The following ASTN2 variants were observed in gnomAD, a reference collection of about 807,000 sequenced individuals.
ASTN2 encodes the protein astrotactin 2.
A neutral mutation model predicts 139.8 loss-of-function variants in ASTN2; 54 were observed. The observed-to-expected ratio is 0.39, with a 90% CI of 0.31 to 0.48. ASTN2 has a LOEUF of 0.48. Ranked by LOEUF, ASTN2 falls within the 20% of genes least tolerant of loss-of-function variation. ASTN2 has a pLI of 0.95. For synonymous variants in ASTN2, 756 were observed against 719.5 expected, an observed-to-expected ratio of 1.05 and a Z score of -0.81; for missense variants, 1,565 against 1,725.1, an observed-to-expected ratio of 0.91 and a Z score of 1.64.
In ASTN2 at chr9:116,487,393, T is replaced by C. The variant is rs1233919920; in HGVS notation, c.3463A>G (p.Ile1155Val). The part of the protein sequence containing the change: ...EVPEVSIYSV[I>V]FKCLEPDGLY... ...CCGTCGGGCTCCAGACACTTGAAGA[T>C]GACTGAGTAGATACTGACTTCAGGG... Residue 1155 changes from isoleucine to valine, a missense_variant, in exon 20 of 23, where the codon ATC becomes GTC. By Grantham distance (29) the Ile-to-Val change is conservative. Transcript: ENST00000313400. The C allele has an allele frequency of 1.2e-6, 2 of 1,614,060 alleles. No individual in the cohort carries two copies. Among genetic ancestry groups the C allele is most frequent in the Non-Finnish European group, 1.7e-6 (2 of 1,179,970 alleles).
Position 117,265,938 on chromosome 9 carries a change from G to A in ASTN2, c.630+25388C>T, listed in dbSNP as rs746967951. ...ACTCTTGAATGCTAATTCCTTTCTG[G>A]AATATTTCCTATAAAACTTAATCCT... On this transcript the variant is annotated intron_variant, in intron 2 of 22. Coordinates refer to ENST00000313400, the MANE Select transcript of ASTN2 (RefSeq NM_001365068.1). Among the ~76,000 whole-genome samples the A allele has an allele frequency of 2.0e-4, 31 of 152,060 alleles. 1 individual carries two copies. The highest frequency in any genetic ancestry group is 4.4e-4 in the Non-Finnish European group (30 of 68,016).
chr9:116,480,940 A>T (rs753270065), intron 20 of ASTN2, among the ~76,000 whole-genome samples: 3 of 152,176 alleles, frequency 2.0e-5, no homozygotes, highest in Non-Finnish European at 4.4e-5. Flanking sequence ...TGTCATCACA[A>T]ATAGTAGTCA....
intron 10 of ASTN2, among the ~76,000 whole-genome samples, chr9:116,905,172 T>C (rs1445166310): frequency 1.4e-5 from 2 of 141,338 alleles, no homozygotes; most frequent in East Asian, 4.9e-4. Context: ...CGCGGGTGGG[T>C]GGGGAGGCAG....
intron 19 of ASTN2, among the ~76,000 whole-genome samples, chr9:116,615,846 C>T (rs1855823774): frequency 6.6e-6 from 1 of 151,904 alleles, no homozygotes; most frequent in South Asian, 2.1e-4. Flanking sequence ...GCACGTTGTA[C>T]ACATGTACCC....
intron 16 of ASTN2, among the ~76,000 whole-genome samples, chr9:116,721,957 T>C (rs1372298268): frequency 6.6e-6 from 1 of 152,096 alleles, no homozygotes; most frequent in Admixed American, 6.5e-5. Flanking sequence ...AGAATAGACA[T>C]TACCAACTGA....
At chr9:117,276,818 TG>T (rs1308840307) in intron 2 of ASTN2, among the ~76,000 whole-genome samples, 2 of 152,190 alleles carry the variant, frequency 1.3e-5, no homozygotes, top group Non-Finnish European at 2.9e-5. Context: ...CCTAGCTGTG[TG>T]GTCTTGGGCA....
At chr9:116,541,397 C>T (rs1232731380) in intron 19 of ASTN2, among the ~76,000 whole-genome samples, 3 of 152,268 alleles carry the variant, frequency 2.0e-5, no homozygotes, top group Non-Finnish European at 2.9e-5. Context: ...TCTTATGAGC[C>T]ACTGCAAGTT....
At chr9:117,006,419 C>T (rs1837354885) in intron 7 of ASTN2, among the ~76,000 whole-genome samples, 1 of 152,194 alleles carries the variant, frequency 6.6e-6, no homozygotes, top group South Asian at 2.1e-4. Context: ...TGACTCCACT[C>T]TATTTCTTGC....
chr9:116,698,079 C>T lies in ASTN2; in HGVS notation c.2806+27692G>A, dbSNP rs762785784. On this transcript the variant is annotated intron_variant, in intron 16 of 22. Transcript: ENST00000313400. The surrounding 1 kb of genome is among the most constrained non-coding windows in gnomAD (Gnocchi z 4.4). ...GCGGCGTCTGCCCCGGCAATTCTGC[C>T]GGAGCTGTGGTTTGGTGTTATGTGA... 29 of 1,613,978 alleles carry T rather than the reference C, an allele frequency of 1.8e-5. No homozygotes were observed. Among genetic ancestry groups the T allele is most frequent in the African/African-American group, 4.0e-5 (3 of 74,936 alleles).
Position 117,355,354 on chromosome 9 carries a change from G to C in ASTN2, c.442+59143C>G, listed in dbSNP as rs140180385. ...CAAGTGAGGACAAAAATAATACTAT[G>C]TGTGTGATAACAACATTTATTTTCA... On this transcript the variant is annotated intron_variant, in intron 1 of 22. Transcript: ENST00000313400. Among the ~76,000 whole-genome samples the C allele has an allele frequency of 4.5e-3, 681 of 152,302 alleles. 3 individuals carry two copies. The highest frequency in any genetic ancestry group is 6.3e-3 in the Non-Finnish European group (427 of 68,024).
rs1052664895 is a variant in ASTN2, at chr9:116,697,726, C to T, written c.2806+28045G>A. ...CAGTTCTGAGCTGTGCTAGCAATAC[C>T]CTTCAAAGGAAGAGCAATGGCTGCA... On this transcript the variant is annotated intron_variant, in intron 16 of 22. Coordinates refer to ENST00000313400, the MANE Select transcript of ASTN2 (RefSeq NM_001365068.1). The T allele has an allele frequency of 4.3e-6, 7 of 1,613,416 alleles. No individual in the cohort carries two copies. The South Asian group carries it at 4.4e-5, about 10-fold the overall frequency.
At chr9:117,355,193 T>A (rs527387477) in intron 1 of ASTN2, among the ~76,000 whole-genome samples, 1 of 152,286 alleles carries the variant, frequency 6.6e-6, no homozygotes, top group East Asian at 1.9e-4. Context: ...TAGTGAATAG[T>A]CAGCAAATTC....
At chr9:117,048,943 C>A (rs1838827304) in intron 5 of ASTN2, among the ~76,000 whole-genome samples, 1 of 129,718 alleles carries the variant, frequency 7.7e-6, no homozygotes, top group Non-Finnish European at 1.7e-5. Flanking sequence ...AATCTGTGCG[C>A]TCTGATTCTT....
chr9:117,403,812 A>C (rs1447014220), intron 1 of ASTN2, among the ~76,000 whole-genome samples: 1 of 151,934 alleles, frequency 6.6e-6, no homozygotes, highest in African/African-American at 2.4e-5. Flanking sequence ...TTCTGTCCCA[A>C]CTGTCCTCAA....
chr9:117,011,759 C>G (rs760396338), intron 6 of ASTN2, among the ~76,000 whole-genome samples: 2 of 152,162 alleles, frequency 1.3e-5, no homozygotes, highest in Non-Finnish European at 2.9e-5. Context: ...ACATGAGGTT[C>G]AGAGAGAAAT....
At position 117,291,367 on chromosome 9, in the gene ASTN2, T is replaced by A; in HGVS notation, c.589A>T (p.Ile197Phe). The A allele has an allele frequency of 1.9e-6, 3 of 1,613,794 alleles. No homozygotes were observed. The highest frequency in any genetic ancestry group is 2.5e-6 in the Non-Finnish European group (3 of 1,179,882). ...TAPTLQEPSE[I>F]VEEQMHILHI... ...AGGATGTGCATCTGCTCCTCAACAA[T>A]CTCCGAGGGCTCCTGGAGAGTGGGG... is the stretch of plus-strand genomic sequence containing the variant. The change falls in exon 2 of 23, where the codon ATT (isoleucine) becomes TTT (phenylalanine). Residue 197 changes from isoleucine to phenylalanine, a missense_variant. Physicochemically the swap from Ile to Phe is conservative, Grantham distance 21. This residue lies in a region of ASTN2 where 596 missense variants were observed against 576.8 expected (regional missense o/e 1.03). Transcript: ENST00000313400.
At chr9:117,181,284 G>A (rs1357131014) in intron 3 of ASTN2, 4 of 448,330 alleles carry the variant, frequency 8.9e-6, no homozygotes, top group African/African-American at 2.0e-5. Context: ...TGGGGAAACT[G>A]AAGCCCAGAG....
chr9:116,452,831 T>G (rs1369250049), intron 20 of ASTN2, among the ~76,000 whole-genome samples: 1 of 152,200 alleles, frequency 6.6e-6, no homozygotes, highest in Non-Finnish European at 1.5e-5. Flanking sequence ...GAGGATGAAC[T>G]CCATGTTCCC....
intron 5 of ASTN2, among the ~76,000 whole-genome samples, chr9:117,042,246 C>A (rs571876535): frequency 6.6e-6 from 1 of 152,136 alleles, no homozygotes; most frequent in African/African-American, 2.4e-5. Flanking sequence ...TACAACAGCC[C>A]GTTGGGGTAT....
Sources: allele counts gnomAD v4.1 joint callset (sites outside exome capture counted in the v4.1 genomes callset), GRCh38; gene constraint gnomAD v4.1.1; regional missense constraint gnomAD v4.1.1; non-coding constraint Gnocchi (gnomAD v3.1); transcripts MANE v1.5; gene names NCBI Gene and HGNC (gene_info 2026-07-23, HGNC 2026-07-21).